MAGI2: variants seen among roughly 807,000 people sequenced by gnomAD.
The protein encoded by MAGI2 is membrane associated guanylate kinase, WW and PDZ domain containing 2, also known as membrane-associated guanylate kinase, WW and PDZ domain-containing protein 2.
In MAGI2, 35 loss-of-function variants were observed where a neutral mutation model predicts 133.3. The observed-to-expected ratio is 0.26, with a 90% confidence interval of 0.20 to 0.35. The LOEUF (loss-of-function observed/expected upper bound fraction) is 0.35. Ranked by LOEUF, MAGI2 falls within the 10% of genes least tolerant of loss-of-function variation. The probability of loss-of-function intolerance (pLI) is 1.00; values close to 1 mark genes in which losing one functional copy is unlikely to be tolerated. For missense variants in MAGI2, 1,636 were observed against 1,863.4 expected, an observed-to-expected ratio of 0.88 and a Z score of 2.25; for synonymous variants, 729 against 710.6, an observed-to-expected ratio of 1.03 and a Z score of -0.41.
intron 10 of MAGI2, among the ~76,000 whole-genome samples, chr7:78,232,349 G>T (rs1442135522): frequency 6.6e-6 from 1 of 152,096 alleles, no homozygotes; most frequent in Non-Finnish European, 1.5e-5. Context: ...TAAAGCTGTA[G>T]TATAATTAGG....
intron 2 of MAGI2, among the ~76,000 whole-genome samples, chr7:78,789,878 T>G (rs1827121797): frequency 6.6e-6 from 1 of 152,186 alleles, no homozygotes. Flanking sequence ...TGAGGTCATA[T>G]GCAGGATCCA....
chr7:78,375,266 G>A (rs1180053380), intron 6 of MAGI2, among the ~76,000 whole-genome samples: 1 of 152,134 alleles, frequency 6.6e-6, no homozygotes, highest in Non-Finnish European at 1.5e-5. Flanking sequence ...CAACATTCAT[G>A]TTTAAATGCA....
chr7:78,936,582 C>T (rs1314052793), intron 2 of MAGI2, among the ~76,000 whole-genome samples: 1 of 151,882 alleles, frequency 6.6e-6, no homozygotes, highest in Admixed American at 6.6e-5. Flanking sequence ...AAAAGAATAA[C>T]ACTAAAAATA....
intron 2 of MAGI2, among the ~76,000 whole-genome samples, chr7:78,867,240 C>T (rs369166207): frequency 1.7e-4 from 26 of 151,338 alleles, no homozygotes; most frequent in African/African-American, 5.8e-4. Flanking sequence ...CACATGCACA[C>T]GTATGTTTAT....
intron 1 of MAGI2, among the ~76,000 whole-genome samples, chr7:79,126,489 C>T (rs910094019): frequency 2.0e-5 from 3 of 151,748 alleles, no homozygotes; most frequent in African/African-American, 7.3e-5. Context: ...ATAAAGCCAA[C>T]AAAGTAAGAG....
chr7:78,745,904 G>A (rs1585270156), intron 2 of MAGI2, among the ~76,000 whole-genome samples: 1 of 152,068 alleles, frequency 6.6e-6, no homozygotes, highest in Admixed American at 6.6e-5. Context: ...TTTTTCAATG[G>A]ATCTCTTCTG....
At chr7:78,297,995 AG>A (rs923497671) in intron 9 of MAGI2, among the ~76,000 whole-genome samples, 42 of 151,274 alleles carry the variant, frequency 2.8e-4, no homozygotes, top group African/African-American at 8.8e-4. Context: ...TTAAAAAAAA[AG>A]AATTGTCTGG....
intron 3 of MAGI2, among the ~76,000 whole-genome samples, chr7:78,590,133 T>A (rs1405947960): frequency 1.3e-5 from 2 of 152,222 alleles, no homozygotes; most frequent in Non-Finnish European, 2.9e-5. Context: ...AGGGAGTAGT[T>A]TTGCAGGAAG....
At chr7:79,277,095 G>C (rs1388430166) in intron 1 of MAGI2, among the ~76,000 whole-genome samples, 1 of 152,174 alleles carries the variant, frequency 6.6e-6, no homozygotes, top group Non-Finnish European at 1.5e-5. Flanking sequence ...AGCATGACTT[G>C]CTACAGAGAA....
At chr7:79,399,090 C>CTTTTTTTTTTTTT (rs1337058211) in intron 1 of MAGI2, among the ~76,000 whole-genome samples, 3 of 101,436 alleles carry the variant, frequency 3.0e-5, no homozygotes, top group African/African-American at 1.5e-4. Context: ...TTTTTTTTTT[C>CTTTTTTTTTTTTT]TTTTCTTTTT....
chr7:78,768,967 CA>C (rs1421984725), intron 2 of MAGI2, among the ~76,000 whole-genome samples: 1 of 152,124 alleles, frequency 6.6e-6, no homozygotes, highest in Non-Finnish European at 1.5e-5. Context: ...TCCCTCAAAC[CA>C]GAGCTCTCTG....
At chr7:79,102,465 C>G (rs187992938) in intron 1 of MAGI2, among the ~76,000 whole-genome samples, 2 of 152,326 alleles carry the variant, frequency 1.3e-5, no homozygotes, top group Admixed American at 6.5e-5. Context: ...AAATCCATAA[C>G]ACTTTGCCTG....
At chr7:79,007,988 A>C (rs946078139) in intron 1 of MAGI2, among the ~76,000 whole-genome samples, 1 of 152,080 alleles carries the variant, frequency 6.6e-6, no homozygotes, top group Non-Finnish European at 1.5e-5. Flanking sequence ...TAAAAAGCCA[A>C]TAATGTAGAT....
intron 6 of MAGI2, among the ~76,000 whole-genome samples, chr7:78,457,398 GA>G (rs1015682612): frequency 6.6e-6 from 1 of 152,184 alleles, no homozygotes; most frequent in Non-Finnish European, 1.5e-5. Flanking sequence ...CCTTAGGTTG[GA>G]AACCAGAATC....
chr7:78,896,386 A>C (rs947027093), intron 2 of MAGI2, among the ~76,000 whole-genome samples: 1 of 152,030 alleles, frequency 6.6e-6, no homozygotes, highest in African/African-American at 2.4e-5. Flanking sequence ...ATGAGGCTGC[A>C]TGAATAAATT....
At chr7:78,152,572 T>C (rs1823992487) in intron 16 of MAGI2, among the ~76,000 whole-genome samples, 1 of 152,220 alleles carries the variant, frequency 6.6e-6, no homozygotes, top group South Asian at 2.1e-4. Flanking sequence ...TAAGTCACAA[T>C]AATAAATGTG....
intron 2 of MAGI2, among the ~76,000 whole-genome samples, chr7:78,777,081 C>A (rs534889894): frequency 3.9e-5 from 6 of 152,212 alleles, no homozygotes; most frequent in African/African-American, 1.4e-4. Flanking sequence ...AAGTGTACTG[C>A]TCTACTTGAA....
At chr7:78,745,247 A>G (rs1822813963) in intron 2 of MAGI2, among the ~76,000 whole-genome samples, 2 of 152,200 alleles carry the variant, frequency 1.3e-5, no homozygotes, top group African/African-American at 4.8e-5. Flanking sequence ...TGAAAAATGT[A>G]CCACAATGCC....
At chr7:78,964,997 A>T (rs975325240) in intron 2 of MAGI2, among the ~76,000 whole-genome samples, 1 of 151,952 alleles carries the variant, frequency 6.6e-6, no homozygotes, top group Non-Finnish European at 1.5e-5. Context: ...AGAATAACTT[A>T]AAAACCAGAT....
Sources: gnomAD v4.1 joint callset for allele counts (sites outside exome capture counted in the v4.1 genomes callset) on GRCh38, gnomAD v4.1.1 for gene constraint, MANE v1.5 for transcripts, NCBI Gene and HGNC (gene_info 2026-07-23, HGNC 2026-07-21) for gene names.